AGPAT3: variants seen among roughly 807,000 people sequenced by gnomAD.
AGPAT3 encodes 1-acyl-sn-glycerol-3-phosphate acyltransferase gamma.
Under a neutral mutation model 47.3 loss-of-function variants are expected in AGPAT3, and 5 were observed. That is an observed-to-expected ratio of 0.11 (90% CI 0.06 to 0.22). The LOEUF (loss-of-function observed/expected upper bound fraction) is 0.22. Among genes scored for constraint, AGPAT3 ranks in the 10% least tolerant of loss-of-function variants. The pLI, the probability that AGPAT3 is intolerant of heterozygous loss-of-function variation, is 1.00. For missense variants in AGPAT3, 315 were observed against 493.0 expected (o/e 0.64, Z 3.42); for synonymous variants, 212 against 208.3 (o/e 1.02, Z -0.15).
chr21:43,955,332 G>C lies in AGPAT3; in HGVS notation c.-48-4302G>C. ...ATGGAAATGTTCCCTGTTGCAGTGT[G>C]GTGGGGTCACAGGCGGCTTAGCTTG... On this transcript the variant is annotated intron_variant, in intron 2 of 9. Coordinates refer to ENST00000291572, the MANE Select transcript of AGPAT3 (RefSeq NM_020132.5). The surrounding 1 kb of genome is among the most constrained non-coding windows in gnomAD (Gnocchi z 4.1). The C allele has an allele frequency of 1.0e-6, 1 of 956,828 alleles. No individual in the cohort carries two copies. The highest frequency in any genetic ancestry group is 1.3e-6 in the Non-Finnish European group (1 of 755,250). The allele number at this position is 956,828 out of a possible 1,614,324, so 59.3% of individuals were successfully genotyped here. A position where few individuals can be genotyped will look rare whatever the true frequency, so the allele number is the denominator to read the frequency against.
intron 2 of AGPAT3, among the ~76,000 whole-genome samples, chr21:43,951,182 A>G (rs2088175430): frequency 6.6e-6 from 1 of 152,192 alleles, no homozygotes. Context: ...TGCTCGGCCC[A>G]CTACACCAGA....
intron 1 of AGPAT3, among the ~76,000 whole-genome samples, chr21:43,876,453 G>A (rs527855125): frequency 6.6e-6 from 1 of 152,268 alleles, no homozygotes; most frequent in South Asian, 2.1e-4. Context: ...AAGCCTCCCT[G>A]GAGAAGCCCT....
intron 2 of AGPAT3, among the ~76,000 whole-genome samples, chr21:43,927,476 T>C (rs986006460): frequency 7.9e-5 from 12 of 152,190 alleles, no homozygotes; most frequent in Non-Finnish European, 1.5e-4. Flanking sequence ...TCCCAGTCCA[T>C]TGAGACCTGA....
intron 8 of AGPAT3, among the ~76,000 whole-genome samples, chr21:43,980,722 G>A (rs1370937254): frequency 1.3e-5 from 2 of 152,202 alleles, no homozygotes; most frequent in South Asian, 2.1e-4. Flanking sequence ...TATTCACAAC[G>A]TTGCTTTCTT....
intron 2 of AGPAT3, among the ~76,000 whole-genome samples, chr21:43,931,900 G>C (rs1025640971): frequency 1.3e-5 from 2 of 150,606 alleles, no homozygotes; most frequent in Non-Finnish European, 2.9e-5. Flanking sequence ...TTTCCGTTCT[G>C]CTTTTTACCT....
At chr21:43,919,475 G>T (rs1056927458) in intron 2 of AGPAT3, among the ~76,000 whole-genome samples, 8 of 152,154 alleles carry the variant, frequency 5.3e-5, no homozygotes, top group African/African-American at 1.9e-4. Context: ...ACATTATTTT[G>T]TCCCTTTTGA....
chr21:43,950,486 C>G lies in AGPAT3; in HGVS notation c.-48-9148C>G, dbSNP rs562499644. 8.9e-4 allele frequency among the ~76,000 whole-genome samples: 136 copies of G among 152,350 alleles called. 1 individual carries two copies. The highest frequency in any genetic ancestry group is 3.7e-3 in the Admixed American group (56 of 15,308). Reference sequence around the variant, plus strand: ...CAAAATAGGATTGTGTTTGTTTCATCTAAAATTTTAGTTGAATGCTTAGTA... The same window carrying G: ...CAAAATAGGATTGTGTTTGTTTCATGTAAAATTTTAGTTGAATGCTTAGTA... On this transcript the variant is annotated intron_variant, in intron 2 of 9. Transcript: ENST00000291572.
At chr21:43,942,760 G>A (rs2087705654) in intron 2 of AGPAT3, among the ~76,000 whole-genome samples, 1 of 152,214 alleles carries the variant, frequency 6.6e-6, no homozygotes, top group African/African-American at 2.4e-5. Flanking sequence ...GGCTGCTGTG[G>A]TCAGGTGGGG....
At chr21:43,980,918 T>G in intron 8 of AGPAT3, 71 bp from the exon 9 acceptor site, 1 of 1,139,982 alleles carries the variant, frequency 8.8e-7, no homozygotes, top group Non-Finnish European at 1.3e-6. Flanking sequence ...TTGCCAACAA[T>G]CTTCTCCTGC....
intron 4 of AGPAT3, 136 bp downstream of exon 4, chr21:43,968,251 G>A (rs1217900105): frequency 1.1e-6 from 1 of 922,402 alleles, no homozygotes. Flanking sequence ...GACTGGGAGT[G>A]AGCTGGGCGG....
intron 2 of AGPAT3, among the ~76,000 whole-genome samples, chr21:43,904,364 C>G (rs886951252): frequency 2.0e-5 from 3 of 152,198 alleles, no homozygotes; most frequent in Non-Finnish European, 4.4e-5. Flanking sequence ...AGTCACCTCA[C>G]AGGGCTGCCC....
chr21:43,935,958 G>C (rs537480605), intron 2 of AGPAT3, among the ~76,000 whole-genome samples: 1 of 152,214 alleles, frequency 6.6e-6, no homozygotes, highest in Non-Finnish European at 1.5e-5. Flanking sequence ...GGCTCGAGTC[G>C]GAAGCCAGAG....
At chr21:43,873,093 C>G (rs1245735771) in intron 1 of AGPAT3, among the ~76,000 whole-genome samples, 1 of 152,204 alleles carries the variant, frequency 6.6e-6, no homozygotes, top group Non-Finnish European at 1.5e-5. Flanking sequence ...TTGGGAATGG[C>G]AGGAGCTGCA....
intron 2 of AGPAT3, among the ~76,000 whole-genome samples, chr21:43,935,907 C>T (rs886671944): frequency 2.6e-5 from 4 of 152,190 alleles, no homozygotes; most frequent in Admixed American, 2.0e-4. Context: ...TCTCCAGGTG[C>T]GCTAAGCAAA....
chr21:43,979,225 A>C (rs1186176719), intron 8 of AGPAT3, among the ~76,000 whole-genome samples: 2 of 140,448 alleles, frequency 1.4e-5, no homozygotes, highest in African/African-American at 5.4e-5. Flanking sequence ...GCTTGAACCC[A>C]GGAGGTGGGG....
rs1013553191 is a variant in AGPAT3, at chr21:43,954,864, CAT to C, written c.-48-4769_-48-4768del. 27 of 264,548 alleles carry C rather than the reference CAT, an allele frequency of 1.0e-4. No individual in the cohort carries two copies. Among genetic ancestry groups the C allele is most frequent in the Non-Finnish European group, 1.1e-4 (18 of 157,806 alleles). The allele number at this position is 264,548 out of a possible 1,614,324, so 16.4% of individuals were successfully genotyped here. A position where few individuals can be genotyped will look rare whatever the true frequency, so the allele number is the denominator to read the frequency against. On this transcript the variant is annotated intron_variant, in intron 2 of 9. Coordinates refer to ENST00000291572, the MANE Select transcript of AGPAT3 (RefSeq NM_020132.5). The surrounding 1 kb of genome is among the most constrained non-coding windows in gnomAD (Gnocchi z 4.0). ...TGTGTGGCACCCGGGCCAGGAGAAA[CAT>C]GTGCCAGAGGGCAGGCGTGGGCTCT...
At position 43,968,030 on chromosome 21, in the gene AGPAT3, A is replaced by C; in HGVS notation, c.263A>C (p.Glu88Ala). ...GCCACGGTAGAGCGCTTTGGGAAGG[A>C]GCACGCAGTCATCATCCTCAACCAC... ...DQATVERFGK[E>A]HAVIILNHNF... Residue 88 changes from glutamate to alanine, a missense_variant, in exon 4 of 10, where the codon GAG (glutamate) becomes GCG (alanine). Glu to Ala is a moderately radical substitution (Grantham distance 107, BLOSUM62 -1). Coordinates refer to ENST00000291572, the MANE Select transcript of AGPAT3 (RefSeq NM_020132.5). The C allele has an allele frequency of 1.2e-6, 2 of 1,613,900 alleles. No individual in the cohort carries two copies. Among genetic ancestry groups the C allele is most frequent in the Non-Finnish European group, 1.7e-6 (2 of 1,179,996 alleles).
intron 1 of AGPAT3, among the ~76,000 whole-genome samples, chr21:43,896,486 C>T (rs1354609237): frequency 6.6e-6 from 1 of 152,236 alleles, no homozygotes; most frequent in Non-Finnish European, 1.5e-5. Flanking sequence ...ATCTTCTATA[C>T]TAAGGGTCAG....
rs199840470 is a variant in AGPAT3 at position 43,969,184 on chromosome 21, C to T, written c.415C>T (p.Leu139=). Residue 139 remains leucine, a synonymous_variant, in exon 5 of 10, where the codon CTG becomes TTG. Transcript: ENST00000291572. ...VPLIGWTWYF[L]EIVFCKRKWE... is the part of the protein sequence containing the mutation. The stretch of plus-strand genomic sequence containing the variant: ...CCTCATCGGCTGGACGTGGTACTTT[C>T]TGGAGATTGTGTTCTGCAAGCGGAA... 758 of 1,614,200 alleles carry T rather than the reference C, an allele frequency of 4.7e-4. 3 individuals are homozygous for T. Among genetic ancestry groups the T allele is most frequent in the Middle Eastern group, 6.6e-4 (4 of 6,062 alleles).
Sources: allele counts gnomAD v4.1 joint callset (sites outside exome capture counted in the v4.1 genomes callset), GRCh38; gene constraint gnomAD v4.1.1; non-coding constraint Gnocchi (gnomAD v3.1); transcripts MANE v1.5; gene names NCBI Gene and HGNC (gene_info 2026-07-23, HGNC 2026-07-21).